Variants in FAM193A observed in about 807,000 individuals in gnomAD.
FAM193A encodes the protein protein FAM193A.
Under a neutral mutation model 126.5 loss-of-function variants are expected in FAM193A, and 22 were observed. The observed-to-expected ratio is 0.17, with a 90% CI of 0.12 to 0.25. The LOEUF is 0.25. Among genes scored for constraint, FAM193A ranks in the 10% least tolerant of loss-of-function variants. FAM193A has a pLI of 1.00. For synonymous variants in FAM193A, 761 were observed against 646.8 expected, an observed-to-expected ratio of 1.18 and a Z score of -2.68; for missense variants, 1,675 against 1,672.8, an observed-to-expected ratio of 1.00 and a Z score of -0.02.
At position 2,626,426 on chromosome 4, in the gene FAM193A, G is replaced by T; in HGVS notation, c.652G>T (p.Ala218Ser). Residue 218 changes from alanine (A) to serine (S), a missense_variant, in exon 4 of 21, where the codon GCG (alanine) becomes TCG (serine). Physicochemically the swap from Ala to Ser is moderately conservative, Grantham distance 99. Transcript: ENST00000637812. ...GTCTCACAGAGAAATTTCGGCAGAG[G>T]CGGACCGGGAACCTCAGCAGCTGCA... is the stretch of plus-strand genomic sequence containing the variant. Reference protein sequence around the residue: ...CSERREISAEADREPQQLQNY... With the variant: ...CSERREISAESDREPQQLQNY... The T allele has an allele frequency of 2.9e-6, 2 of 699,554 alleles. No individual in the cohort carries two copies. Among genetic ancestry groups the T allele is most frequent in the Non-Finnish European group, 5.2e-6 (2 of 382,154 alleles). The allele number at this position is 699,554 out of a possible 1,614,324, so 43.3% of individuals were successfully genotyped here.
chr4:2,575,967 G>A (rs1339234099), intron 1 of FAM193A, among the ~76,000 whole-genome samples: 3 of 152,150 alleles, frequency 2.0e-5, no homozygotes, highest in Admixed American at 2.0e-4. Context: ...TATGTCTCAG[G>A]TGAGTTAGAC....
intron 10 of FAM193A, among the ~76,000 whole-genome samples, chr4:2,661,750 A>G (rs910083317): frequency 6.6e-6 from 1 of 152,208 alleles, no homozygotes; most frequent in East Asian, 1.9e-4. Context: ...CTGTGTGCCC[A>G]GGCTGAAGAT....
intron 13 of FAM193A, among the ~76,000 whole-genome samples, chr4:2,678,938 G>A (rs748828287): frequency 6.6e-6 from 1 of 151,964 alleles, no homozygotes; most frequent in Non-Finnish European, 1.5e-5. Context: ...TGTTTGCTCC[G>A]GCTGAAATTT....
intron 2 of FAM193A, among the ~76,000 whole-genome samples, chr4:2,606,921 G>A (rs1741582941): frequency 1.3e-5 from 2 of 152,138 alleles, no homozygotes; most frequent in African/African-American, 2.4e-5. Context: ...GTCACAAATA[G>A]TGCCAAATTG....
intron 7 of FAM193A, chr4:2,655,237 AAAAAT>A: frequency 2.0e-6 from 1 of 489,328 alleles, no homozygotes; most frequent in Middle Eastern, 2.8e-4. Flanking sequence ...CTATCATTTA[AAAAAT>A]AAAACAGGAA....
chr4:2,672,140 C>T lies in FAM193A; in HGVS notation c.2099C>T (p.Thr700Ile). 1 of 1,614,144 alleles carries T rather than the reference C, an allele frequency of 6.2e-7. No individual in the cohort carries two copies. The highest frequency in any genetic ancestry group is 8.5e-7 in the Non-Finnish European group (1 of 1,179,996). Residue 700 changes from threonine to isoleucine, a missense_variant, in exon 13 of 21, where the codon ACT (threonine) becomes ATT (isoleucine). This residue lies in a region of FAM193A where 1,186 missense variants were observed against 1,109.2 expected (regional missense o/e 1.07). Coordinates refer to ENST00000637812, the MANE Select transcript of FAM193A (RefSeq NM_001366318.2). Reference sequence around the variant, plus strand: ...TCTTAGGCTGAACAAGCTCCAAACACTTGTGAATGTCATGTTTGTAAGCAG... The same window carrying T: ...TCTTAGGCTGAACAAGCTCCAAACATTTGTGAATGTCATGTTTGTAAGCAG... ...PTQQAEQAPN[T>I]CECHVCKQEA...
intron 13 of FAM193A, among the ~76,000 whole-genome samples, chr4:2,679,536 G>C (rs1714848822): frequency 6.6e-6 from 1 of 151,408 alleles, no homozygotes; most frequent in Admixed American, 6.6e-5. Flanking sequence ...TGCACCACGA[G>C]GCCCGGCTAA....
rs567087543 is a variant in FAM193A at position 2,711,643 on chromosome 4, A to G, written c.4373-4380A>G. On this transcript the variant is annotated intron_variant, in intron 19 of 20. Coordinates refer to ENST00000637812, the MANE Select transcript of FAM193A (RefSeq NM_001366318.2). Reference sequence around the variant, plus strand: ...GCGTGAGCCACCACGCCGAGCCTCCATTATTTTTTTTAAAGAAATTCTGGG... The same window carrying G: ...GCGTGAGCCACCACGCCGAGCCTCCGTTATTTTTTTTAAAGAAATTCTGGG... Among the ~76,000 whole-genome samples the G allele has an allele frequency of 1.1e-3, 168 of 149,552 alleles. 1 individual carries two copies. The highest frequency in any genetic ancestry group is 4.0e-3 in the African/African-American group (162 of 40,940).
chr4:2,712,617 T>C (rs1719102398), intron 19 of FAM193A, among the ~76,000 whole-genome samples: 1 of 152,206 alleles, frequency 6.6e-6, no homozygotes, highest in Non-Finnish European at 1.5e-5. Context: ...GAAGCAAACC[T>C]GAGGCTTGCT....
At chr4:2,635,079 C>A (rs77641593) in intron 5 of FAM193A, among the ~76,000 whole-genome samples, 4,826 of 152,298 alleles carry the variant, frequency 0.032, 267 homozygotes, top group African/African-American at 0.11. Context: ...CCATTATCTT[C>A]TGTAGCCACA....
intron 2 of FAM193A, among the ~76,000 whole-genome samples, chr4:2,612,810 C>A (rs1357386526): frequency 6.6e-6 from 1 of 152,226 alleles, no homozygotes; most frequent in Non-Finnish European, 1.5e-5. Context: ...ACCATACTAT[C>A]CTGATTCTTG....
intron 7 of FAM193A, among the ~76,000 whole-genome samples, chr4:2,650,215 C>G (rs775167944): frequency 1.5e-4 from 23 of 152,224 alleles, no homozygotes; most frequent in Non-Finnish European, 3.1e-4. Flanking sequence ...GAACCATCCC[C>G]TTGCCTCACC....
intron 2 of FAM193A, among the ~76,000 whole-genome samples, chr4:2,606,091 C>T (rs1448931933): frequency 9.0e-6 from 1 of 110,546 alleles, no homozygotes; most frequent in Admixed American, 1.1e-4. Flanking sequence ...CACTCTGTCA[C>T]CCAGGCTGGA....
intron 1 of FAM193A, among the ~76,000 whole-genome samples, chr4:2,540,031 T>TAG (rs1307364520): frequency 1.3e-5 from 2 of 151,620 alleles, no homozygotes; most frequent in East Asian, 2.0e-4. Context: ...GGCAGGAGAA[T>TAG]TGCTTGAACC....
chr4:2,665,738 G>C (rs1438630787), intron 12 of FAM193A, among the ~76,000 whole-genome samples: 1 of 152,220 alleles, frequency 6.6e-6, no homozygotes, highest in East Asian at 1.9e-4. Flanking sequence ...TGTTGCCCAG[G>C]CTGGTCTTGA....
chr4:2,557,068 T>G (rs1738300829), intron 1 of FAM193A, among the ~76,000 whole-genome samples: 1 of 152,214 alleles, frequency 6.6e-6, no homozygotes. Flanking sequence ...TAAAATATAC[T>G]ATGTTTTTCC....
chr4:2,669,221 A>G (rs1713506961), intron 12 of FAM193A, among the ~76,000 whole-genome samples: 1 of 152,244 alleles, frequency 6.6e-6, no homozygotes, highest in Admixed American at 6.5e-5. Context: ...GCCGAATTTA[A>G]GTTACCGTCT....
intron 2 of FAM193A, among the ~76,000 whole-genome samples, chr4:2,618,951 C>T (rs992622623): frequency 1.3e-5 from 2 of 152,068 alleles, no homozygotes; most frequent in Non-Finnish European, 1.5e-5. Context: ...AGACTGGTCT[C>T]GAACTCCTGA....
At chr4:2,726,563 G>T in intron 20 of FAM193A, among the ~76,000 whole-genome samples, 1 of 151,476 alleles carries the variant, frequency 6.6e-6, no homozygotes, top group African/African-American at 2.4e-5. Context: ...TTTTTTTTTG[G>T]CCTAAATTAC....
Sources: allele counts gnomAD v4.1 joint callset (sites outside exome capture counted in the v4.1 genomes callset), GRCh38; gene constraint gnomAD v4.1.1; regional missense constraint gnomAD v4.1.1; transcripts MANE v1.5; gene names NCBI Gene and HGNC (gene_info 2026-07-23, HGNC 2026-07-21).